Variants in B4GALNT3 observed in about 807,000 individuals in gnomAD.
B4GALNT3 encodes the protein beta-1,4-N-acetyl-galactosaminyltransferase 3, also known as beta-1,4-N-acetylgalactosaminyltransferase 3.
In B4GALNT3, 86 loss-of-function variants were observed where a neutral mutation model predicts 120.2. The ratio of observed to expected loss-of-function variants is 0.72; its 90% CI spans 0.60 to 0.86. The LOEUF (loss-of-function observed/expected upper bound fraction) is 0.86. B4GALNT3 is among the 40% of genes least tolerant of loss of function. The pLI, the probability that B4GALNT3 is intolerant of heterozygous loss-of-function variation, is 0.00. For missense variants in B4GALNT3, 1,167 were observed against 1,298.9 expected, an observed-to-expected ratio of 0.90 and a Z score of 1.56; for synonymous variants, 518 against 510.4, an observed-to-expected ratio of 1.01 and a Z score of -0.20.
intron 3 of B4GALNT3, among the ~76,000 whole-genome samples, chr12:540,268 G>C (rs1329725915): frequency 6.6e-6 from 1 of 152,180 alleles, no homozygotes; most frequent in Non-Finnish European, 1.5e-5. Flanking sequence ...TTACATGTCT[G>C]CCTCCTTTGA....
In B4GALNT3 at chr12:550,780, C is replaced by A; in HGVS notation, c.998-142C>A. 3 of 670,014 alleles carry A rather than the reference C, an allele frequency of 4.5e-6. No homozygotes were observed. The East Asian group carries it at 8.5e-5, about 19-fold the overall frequency. 41.5% of individuals were successfully genotyped at this position (670,014 alleles called of 1,614,324 possible). A position where few individuals can be genotyped will look rare whatever the true frequency, so the allele number is the denominator to read the frequency against. On this transcript the variant is annotated intron_variant, in intron 10 of 19. Coordinates refer to ENST00000266383, the MANE Select transcript of B4GALNT3 (RefSeq NM_173593.4). The surrounding 1 kb of genome is among the most constrained non-coding windows in gnomAD (Gnocchi z 4.1). Reference sequence around the variant, plus strand: ...TGCTCCAGGTGCGTGGGGCAGCCTCCAGCTGGCAGCCTCAGCCACAGACGT... The same window carrying A: ...TGCTCCAGGTGCGTGGGGCAGCCTCAAGCTGGCAGCCTCAGCCACAGACGT...
At chr12:558,785 C>T in intron 18 of B4GALNT3, 124 bp downstream of exon 18, 1 of 1,071,090 alleles carries the variant, frequency 9.3e-7, no homozygotes, top group South Asian at 1.6e-5. Context: ...CCCTGCCCTC[C>T]TGTGGCCTTC....
Position 515,541 on chromosome 12 carries a change from G to A in B4GALNT3, c.170-19625G>A, listed in dbSNP as rs574368628. On this transcript the variant is annotated intron_variant, in intron 1 of 19. Coordinates refer to ENST00000266383, the MANE Select transcript of B4GALNT3 (RefSeq NM_173593.4). ...ATTAAAAGGGATAAATTTGTAAGAT[G>A]TTTAAGACACTGCCTGGCATATTGT... is the stretch of plus-strand genomic sequence containing the variant. Among the ~76,000 whole-genome samples the A allele has an allele frequency of 1.6e-4, 24 of 152,214 alleles. No individual in the cohort carries two copies. In the South Asian group the frequency reaches 5.0e-3, roughly 32 times the overall value.
At chr12:509,521 C>G (rs1485932355) in intron 1 of B4GALNT3, among the ~76,000 whole-genome samples, 2 of 152,210 alleles carry the variant, frequency 1.3e-5, no homozygotes, top group Non-Finnish European at 2.9e-5. Context: ...TTACTCTCCC[C>G]AGTGCAGATT....
intron 1 of B4GALNT3, among the ~76,000 whole-genome samples, chr12:514,153 C>T (rs1946625722): frequency 1.3e-5 from 2 of 151,932 alleles, no homozygotes; most frequent in Non-Finnish European, 2.9e-5. Context: ...TATGAGGGTT[C>T]CAATTTCTCT....
intron 1 of B4GALNT3, among the ~76,000 whole-genome samples, chr12:512,499 TCTACCTTCTG>T (rs1946595805): frequency 8.6e-6 from 1 of 116,150 alleles, no homozygotes; most frequent in African/African-American, 3.4e-5. Flanking sequence ...CCTTCCACCT[TCTACCTTCTG>T]CCTTCCACCT....
At chr12:492,215 T>C (rs539521379) in intron 1 of B4GALNT3, among the ~76,000 whole-genome samples, 4 of 152,262 alleles carry the variant, frequency 2.6e-5, no homozygotes, top group South Asian at 2.1e-4. Context: ...TGATATTCTA[T>C]ATAAAAAATC....
At chr12:469,873 A>C (rs1946118505) in intron 1 of B4GALNT3, among the ~76,000 whole-genome samples, 1 of 152,104 alleles carries the variant, frequency 6.6e-6, no homozygotes, top group South Asian at 2.1e-4. Flanking sequence ...GCTGGTCCTG[A>C]ACTCTTAGGC....
At chr12:526,502 A>G (rs954407881) in intron 1 of B4GALNT3, among the ~76,000 whole-genome samples, 2 of 152,212 alleles carry the variant, frequency 1.3e-5, no homozygotes, top group African/African-American at 4.8e-5. Flanking sequence ...CGCTAGGTCC[A>G]TGGGCTCCGG....
intron 1 of B4GALNT3, among the ~76,000 whole-genome samples, chr12:471,901 G>C (rs946271145): frequency 6.6e-6 from 1 of 152,082 alleles, no homozygotes; most frequent in Non-Finnish European, 1.5e-5. Context: ...CTCTTACCTT[G>C]TGGAGGGCTT....
chr12:492,897 CAAA>C (rs368327845), intron 1 of B4GALNT3, among the ~76,000 whole-genome samples: 1 of 122,100 alleles, frequency 8.2e-6, no homozygotes, highest in African/African-American at 3.2e-5. Flanking sequence ...TGCACATATG[CAAA>C]AAAAAAAAAA....
chr12:536,259 C>G lies in B4GALNT3; in HGVS notation c.315C>G (p.Tyr105Ter). ...IDQGVSSNSS[Y>*]LKWNKPVPWL... is the part of the protein sequence containing the mutation. ...AAGGGGTGAGCAGTAACAGCAGCTACTTGAAGTGGAACAAGCCTGTCCCCT... is the reference window on the plus strand; with the variant it reads ...AAGGGGTGAGCAGTAACAGCAGCTAGTTGAAGTGGAACAAGCCTGTCCCCT... The change falls in exon 3 of 20, where the codon TAC becomes TAG. Residue 105 changes from tyrosine to a stop codon, truncating the protein, a stop_gained. Transcript: ENST00000266383. LOFTEE classifies it high-confidence loss of function. 6.2e-7 allele frequency: 1 copy of G among 1,614,176 alleles called. No homozygotes were observed. The highest frequency in any genetic ancestry group is 8.5e-7 in the Non-Finnish European group (1 of 1,180,012).
intron 1 of B4GALNT3, among the ~76,000 whole-genome samples, chr12:485,215 G>T (rs1446278603): frequency 2.0e-5 from 3 of 152,166 alleles, no homozygotes; most frequent in Admixed American, 6.5e-5. Context: ...CCAGGGACAG[G>T]ACAAGCCTGG....
chr12:518,278 G>T (rs770685307), intron 1 of B4GALNT3, among the ~76,000 whole-genome samples: 4 of 152,306 alleles, frequency 2.6e-5, no homozygotes, highest in Admixed American at 6.5e-5. Flanking sequence ...GCCAAACAAG[G>T]CAGCTATGCG....
chr12:526,597 C>T (rs1446630699), intron 1 of B4GALNT3, among the ~76,000 whole-genome samples: 1 of 152,206 alleles, frequency 6.6e-6, no homozygotes, highest in Non-Finnish European at 1.5e-5. Context: ...CAAAATTCCC[C>T]TTCACAGGAC....
In B4GALNT3 at chr12:544,815, C is replaced by T. The variant is rs1054051615; in HGVS notation, c.448-67C>T. ...CATAGTCCCCTCCTGGTCTTCCCGC[C>T]AATCCTGGCGGGAAGTTTCCTTTTC... On this transcript the variant is annotated intron_variant, in intron 4 of 19. Coordinates refer to ENST00000266383, the MANE Select transcript of B4GALNT3 (RefSeq NM_173593.4). 3 of 1,523,914 alleles carry T rather than the reference C, an allele frequency of 2.0e-6. No individual in the cohort carries two copies. The African/African-American group carries it at 4.1e-5, about 21-fold the overall frequency. 94.4% of individuals were successfully genotyped at this position (1,523,914 alleles called of 1,614,324 possible).
chr12:491,443 C>G (rs1309706726), intron 1 of B4GALNT3, among the ~76,000 whole-genome samples: 1 of 151,594 alleles, frequency 6.6e-6, no homozygotes, highest in Non-Finnish European at 1.5e-5. Flanking sequence ...AATCCTTGCT[C>G]TTTAGCCTTC....
At chr12:490,495 G>A (rs1056732554) in intron 1 of B4GALNT3, among the ~76,000 whole-genome samples, 23 of 152,146 alleles carry the variant, frequency 1.5e-4, no homozygotes, top group Non-Finnish European at 2.5e-4. Context: ...CTAGCACTTT[G>A]GGAGGCAGAA....
chr12:460,984 C>G lies in B4GALNT3; in HGVS notation c.169+439C>G, dbSNP rs904641057. 1.3e-5 allele frequency among the ~76,000 whole-genome samples: 2 copies of G among 152,160 alleles called. No individual in the cohort carries two copies. The highest frequency in any genetic ancestry group is 4.8e-5 in the African/African-American group (2 of 41,450). Reference sequence around the variant, plus strand: ...GCCGTCCACACCCAGGCGCGCGCTCCAGTCCGCGCAGCCCAAACTTTGCCC... The same window carrying G: ...GCCGTCCACACCCAGGCGCGCGCTCGAGTCCGCGCAGCCCAAACTTTGCCC... On this transcript the variant is annotated intron_variant, in intron 1 of 19. Transcript: ENST00000266383. This position sits in a 1 kb window ranked among gnomAD's most constrained non-coding sequence, Gnocchi z 8.0.
Sources: allele counts gnomAD v4.1 joint callset (sites outside exome capture counted in the v4.1 genomes callset), GRCh38; gene constraint gnomAD v4.1.1; non-coding constraint Gnocchi (gnomAD v3.1); transcripts MANE v1.5; gene names NCBI Gene and HGNC (gene_info 2026-07-23, HGNC 2026-07-21).